CHSY3: variants seen among roughly 807,000 people sequenced by gnomAD.
CHSY3 encodes chondroitin sulfate synthase 3.
CHSY3 carries 35 observed loss-of-function variants against 67.2 expected under a neutral mutation model. The ratio of observed to expected loss-of-function variants is 0.52; its 90% CI spans 0.40 to 0.69. The LOEUF is 0.69. CHSY3 is among the 30% of genes least tolerant of loss of function. The pLI is 0.00. For missense variants in CHSY3, 1,069 were observed against 1,138.5 expected (o/e 0.94, Z 0.88); for synonymous variants, 474 against 434.7 (o/e 1.09, Z -1.12).
intron 2 of CHSY3, among the ~76,000 whole-genome samples, chr5:129,981,225 A>G (rs1335445743): frequency 6.1e-5 from 2 of 32,942 alleles, no homozygotes; most frequent in African/African-American, 1.6e-4. Flanking sequence ...CGTCTCAAAC[A>G]AAAAAAAAAG....
At chr5:130,175,225 G>T (rs555556374) in intron 2 of CHSY3, among the ~76,000 whole-genome samples, 1 of 152,216 alleles carries the variant, frequency 6.6e-6, no homozygotes, top group African/African-American at 2.4e-5. Flanking sequence ...GACAATCAGA[G>T]AGCCAAATCA....
intron 2 of CHSY3, among the ~76,000 whole-genome samples, chr5:129,967,910 C>G (rs1485757734): frequency 6.6e-6 from 1 of 151,594 alleles, no homozygotes; most frequent in Non-Finnish European, 1.5e-5. Context: ...TTTTTTTAAA[C>G]TTGCATGAAT....
At chr5:129,922,976 G>A (rs1449267879) in intron 2 of CHSY3, among the ~76,000 whole-genome samples, 9 of 152,230 alleles carry the variant, frequency 5.9e-5, no homozygotes. Flanking sequence ...GAAGAGTTCT[G>A]AGTAGGTGAG....
At chr5:130,144,477 A>T (rs1769011812) in intron 2 of CHSY3, among the ~76,000 whole-genome samples, 1 of 152,196 alleles carries the variant, frequency 6.6e-6, no homozygotes, top group Non-Finnish European at 1.5e-5. Context: ...TACACTAAAA[A>T]CTATAAACCA....
intron 2 of CHSY3, among the ~76,000 whole-genome samples, chr5:130,176,984 A>C (rs79199428): frequency 2.4e-4 from 37 of 152,210 alleles, no homozygotes; most frequent in African/African-American, 8.9e-4. Flanking sequence ...AAAGTATAAA[A>C]AACAGATTGA....
At chr5:130,098,455 C>A (rs1037199431) in intron 2 of CHSY3, among the ~76,000 whole-genome samples, 2 of 152,084 alleles carry the variant, frequency 1.3e-5, no homozygotes, top group Admixed American at 1.3e-4. Context: ...ACCAAATCAC[C>A]AAGGATTAAA....
At chr5:130,143,847 T>C (rs1315114372) in intron 2 of CHSY3, among the ~76,000 whole-genome samples, 2 of 130,170 alleles carry the variant, frequency 1.5e-5, no homozygotes, top group Non-Finnish European at 3.2e-5. Flanking sequence ...TATATATATA[T>C]GCCAATTCAG....
chr5:129,905,571 G>T lies in CHSY3; in HGVS notation c.742G>T (p.Asp248Tyr). Residue 248 changes from aspartate to tyrosine, a missense_variant, in exon 1 of 3, where the codon GAC becomes TAC. This residue lies in a region of CHSY3 where 216 missense variants were observed against 311.5 expected (regional missense o/e 0.69). Coordinates refer to ENST00000305031, the MANE Select transcript of CHSY3 (RefSeq NM_175856.5). ...KSFMMIKYMH[D>Y]HYLDKYEWFM... ...CTTCATGATGATCAAGTACATGCAC[G>T]ACCACTACCTGGACAAGTATGAGTG... 1 of 1,613,762 alleles carries T rather than the reference G, an allele frequency of 6.2e-7. No individual in the cohort carries two copies. The highest frequency in any genetic ancestry group is 8.5e-7 in the Non-Finnish European group (1 of 1,180,030).
intron 2 of CHSY3, among the ~76,000 whole-genome samples, chr5:130,154,452 T>C (rs938822537): frequency 6.6e-6 from 1 of 152,240 alleles, no homozygotes; most frequent in Non-Finnish European, 1.5e-5. Flanking sequence ...TATCTTAAAC[T>C]ATCTCAGTGA....
Position 129,904,696 on chromosome 5 carries a change from C to T in CHSY3, c.-134C>T, listed in dbSNP as rs527300961. The T allele has an allele frequency of 2.5e-6, 3 of 1,206,428 alleles. No individual in the cohort carries two copies. Among genetic ancestry groups the T allele is most frequent in the South Asian group, 4.1e-5 (1 of 24,432 alleles). The allele number at this position is 1,206,428 out of a possible 1,614,324, so 74.7% of individuals were successfully genotyped here. A position where few individuals can be genotyped will look rare whatever the true frequency, so the allele number is the denominator to read the frequency against. ...CGTCCGCGGCGCTTCGACCTCCAGCCGGTGTCGGCGCCTAGGCGGCCGGCT... is the reference window on the plus strand; with the variant it reads ...CGTCCGCGGCGCTTCGACCTCCAGCTGGTGTCGGCGCCTAGGCGGCCGGCT... On this transcript the variant is annotated 5_prime_UTR_variant, in exon 1 of 3. Coordinates refer to ENST00000305031, the MANE Select transcript of CHSY3 (RefSeq NM_175856.5).
chr5:130,115,476 T>A (rs1561543021), intron 2 of CHSY3, among the ~76,000 whole-genome samples: 1 of 152,174 alleles, frequency 6.6e-6, no homozygotes, highest in Non-Finnish European at 1.5e-5. Flanking sequence ...TAGCTAGAAC[T>A]CCCATTTTTT....
chr5:130,071,537 T>TTGTGTG (rs3065054), intron 2 of CHSY3, among the ~76,000 whole-genome samples: 1,629 of 141,864 alleles, frequency 0.011, 20 homozygotes, highest in East Asian at 0.026. Context: ...TAGTAGTTCA[T>TTGTGTG]TGTGTGTGTG....
chr5:130,120,282 C>T (rs1339862587), intron 2 of CHSY3, among the ~76,000 whole-genome samples: 2 of 151,998 alleles, frequency 1.3e-5, no homozygotes, highest in African/African-American at 4.8e-5. Flanking sequence ...ACATTCCTGC[C>T]ATTTTTTTTC....
At chr5:129,971,765 T>G (rs1456646249) in intron 2 of CHSY3, among the ~76,000 whole-genome samples, 1 of 151,980 alleles carries the variant, frequency 6.6e-6, no homozygotes, top group Non-Finnish European at 1.5e-5. Context: ...GAGGGCTATA[T>G]TTTTCATTTA....
chr5:130,059,531 C>T (rs959083005), intron 2 of CHSY3, among the ~76,000 whole-genome samples: 1 of 151,812 alleles, frequency 6.6e-6, no homozygotes, highest in Non-Finnish European at 1.5e-5. Flanking sequence ...CAGGATCCAA[C>T]TTGCATACTC....
At chr5:129,928,951 A>G (rs1761207205) in intron 2 of CHSY3, among the ~76,000 whole-genome samples, 1 of 152,302 alleles carries the variant, frequency 6.6e-6, no homozygotes, top group Admixed American at 6.5e-5. Flanking sequence ...GAGAGTTGTT[A>G]GGGTCTTGCT....
At chr5:130,143,798 A>ATTTGTG in intron 2 of CHSY3, among the ~76,000 whole-genome samples, 1 of 89,232 alleles carries the variant, frequency 1.1e-5, no homozygotes, top group African/African-American at 5.1e-5. Context: ...ATATATATAT[A>ATTTGTG]TATATATGTG....
chr5:130,113,203 C>G (rs983445362), intron 2 of CHSY3, among the ~76,000 whole-genome samples: 2 of 152,000 alleles, frequency 1.3e-5, no homozygotes, highest in African/African-American at 4.8e-5. Context: ...ACATTTATAA[C>G]AAGGAAGATA....
chr5:130,078,657 C>A (rs968069344), intron 2 of CHSY3, among the ~76,000 whole-genome samples: 32 of 152,082 alleles, frequency 2.1e-4, no homozygotes, highest in Admixed American at 3.3e-4. Flanking sequence ...GTTTTAAAGA[C>A]CATTTGGACA....
Sources: allele counts gnomAD v4.1 joint callset (sites outside exome capture counted in the v4.1 genomes callset), GRCh38; gene constraint gnomAD v4.1.1; regional missense constraint gnomAD v4.1.1; transcripts MANE v1.5; gene names NCBI Gene and HGNC (gene_info 2026-07-23, HGNC 2026-07-21).